The following C18orf32 variants were observed in gnomAD, a reference collection of about 807,000 sequenced individuals.
The protein encoded by C18orf32 is chromosome 18 open reading frame 32.
In C18orf32, 5 loss-of-function variants were observed where a neutral mutation model predicts 7.4. The ratio of observed to expected loss-of-function variants is 0.68; its 90% CI spans 0.35 to 1.42. The LOEUF (loss-of-function observed/expected upper bound fraction) is 1.42, where lower values mean the gene tolerates loss of function less well. Among genes scored for constraint, C18orf32 ranks in the 40% most tolerant of loss-of-function variants. C18orf32 has a pLI of 0.04. For missense variants in C18orf32, 88 were observed against 92.4 expected (o/e 0.95, Z 0.19); for synonymous variants, 30 against 29.3 (o/e 1.02, Z -0.08).
At chr18:49,486,995 G>C (rs2083762695) in intron 1 of C18orf32, 48 bp downstream of exon 1, 1 of 152,124 alleles carries the variant, frequency 6.6e-6, no homozygotes, top group Non-Finnish European at 1.5e-5. Flanking sequence ...AGAGGGGAGG[G>C]GAGGGCGGGG....
Position 49,477,798 on chromosome 18 carries a change from A to AC in C18orf32, c.*4546_*4547insG, listed in dbSNP as rs201161513. On this transcript the variant is annotated 3_prime_UTR_variant, in exon 3 of 3. Transcript: ENST00000318240. ...CTTCCAAAAACAAACAAACAAACAA[A>AC]AATATATATATATACACACACTATA... The AC allele has an allele frequency of 0.42, 59,758 of 140,748 alleles. 13,370 individuals are homozygous for AC. Among genetic ancestry groups the AC allele is most frequent in the East Asian group, 0.5 (2,529 of 5,066 alleles). 8.7% of individuals were successfully genotyped at this position (140,748 alleles called of 1,614,324 possible).
intron 1 of C18orf32, chr18:49,484,854 G>T (rs372147081): frequency 6.6e-6 from 1 of 152,052 alleles, no homozygotes; most frequent in Non-Finnish European, 1.5e-5. Context: ...AGGCCAAGGC[G>T]GGCAGATCAC....
intron 1 of C18orf32, among the ~76,000 whole-genome samples, chr18:49,484,255 C>T (rs1411023002): frequency 6.8e-6 from 1 of 146,898 alleles, no homozygotes; most frequent in South Asian, 2.2e-4. Context: ...ATTATATTTG[C>T]TAAAAAAAAA....
At chr18:49,482,457 G>A (rs368150337) in intron 2 of C18orf32, 47 bp from the exon 3 acceptor site, 30 of 1,386,522 alleles carry the variant, frequency 2.2e-5, no homozygotes, top group Middle Eastern at 1.8e-4. Context: ...AGCCGGGTGC[G>A]GTGGCTTATG....
At chr18:49,485,611 AT>A (rs544899186) in intron 1 of C18orf32, among the ~76,000 whole-genome samples, 219 of 146,024 alleles carry the variant, frequency 1.5e-3, no homozygotes, top group Non-Finnish European at 1.3e-3. Context: ...GGCAATAGTG[AT>A]TTTTTTTTTT....
chr18:49,485,378 A>T (rs1047699811), intron 1 of C18orf32, among the ~76,000 whole-genome samples: 1 of 152,002 alleles, frequency 6.6e-6, no homozygotes, highest in Admixed American at 6.6e-5. Flanking sequence ...ACATGGCAAA[A>T]CCCTGTCTCT....
intron 1 of C18orf32, among the ~76,000 whole-genome samples, chr18:49,485,233 T>C (rs1196687660): frequency 6.6e-6 from 1 of 152,106 alleles, no homozygotes; most frequent in Non-Finnish European, 1.5e-5. Flanking sequence ...GTCTTTGAAA[T>C]GAATTACAAG....
chr18:49,482,466 T>C (rs531494680), intron 2 of C18orf32, 56 bp from the exon 3 acceptor site: 14 of 1,280,844 alleles, frequency 1.1e-5, no homozygotes, highest in Middle Eastern at 2.0e-4. Context: ...CGGTGGCTTA[T>C]GCCTGTAATC....
intron 1 of C18orf32, among the ~76,000 whole-genome samples, chr18:49,485,556 GA>G (rs1245339927): frequency 1.4e-3 from 188 of 135,670 alleles, no homozygotes; most frequent in Middle Eastern, 7.7e-3. Context: ...CTCCGTGTCA[GA>G]AAAAAAAAAA....
rs779902514 is a variant in C18orf32, at chr18:49,482,418, G to GA, written c.166-9dup. On this transcript the variant is annotated splice_polypyrimidine_tract_variant and intron_variant, in intron 2 of 2. Transcript: ENST00000318240. ...TCCATTCATGTCTGCACCCTAAAAT[G>GA]AAAAAACATTTTAGAAATTATCATA... 2 of 1,601,510 alleles carry GA rather than the reference G, an allele frequency of 1.2e-6. No individual in the cohort carries two copies. The highest frequency in any genetic ancestry group is 2.7e-5 in the African/African-American group (2 of 74,576).
chr18:49,480,740 C>T lies in C18orf32; in HGVS notation c.*1605G>A, dbSNP rs2148806910. 6.6e-6 allele frequency: 1 copy of T among 152,318 alleles called. No homozygotes were observed. The highest frequency in any genetic ancestry group is 2.4e-5 in the African/African-American group (1 of 41,552). The allele number at this position is 152,318 out of a possible 1,614,324, so 9.4% of individuals were successfully genotyped here. On this transcript the variant is annotated 3_prime_UTR_variant, in exon 3 of 3. Coordinates refer to ENST00000318240, the MANE Select transcript of C18orf32 (RefSeq NM_001035005.4). Reference sequence around the variant, plus strand: ...GAGCCGTGATCATGCTGCTGCACTCCAGCTTGAGTGACAGAGTGAGACCCT... The same window carrying T: ...GAGCCGTGATCATGCTGCTGCACTCTAGCTTGAGTGACAGAGTGAGACCCT...
chr18:49,477,833 A>C lies in C18orf32; in HGVS notation c.*4512T>G, dbSNP rs1481808399. The C allele has an allele frequency of 3.7e-5, 3 of 81,720 alleles. No individual in the cohort carries two copies. Among genetic ancestry groups the C allele is most frequent in the Non-Finnish European group, 6.8e-5 (3 of 44,328 alleles). 5.1% of individuals were successfully genotyped at this position (81,720 alleles called of 1,614,324 possible). Reference sequence around the variant, plus strand: ...ATATACACACACTATATATATATACACATATATATATATACACACACTATA... The same window carrying C: ...ATATACACACACTATATATATATACCCATATATATATATACACACACTATA... On this transcript the variant is annotated 3_prime_UTR_variant, in exon 3 of 3. Coordinates refer to ENST00000318240, the MANE Select transcript of C18orf32 (RefSeq NM_001035005.4).
intron 1 of C18orf32, among the ~76,000 whole-genome samples, chr18:49,485,196 C>T (rs942066987): frequency 7.2e-5 from 11 of 152,194 alleles, no homozygotes; most frequent in Admixed American, 4.6e-4. Flanking sequence ...TACAGGTAAA[C>T]GGTGGCATAG....
Position 49,480,368 on chromosome 18 carries a change from T to A in C18orf32, c.*1977A>T, listed in dbSNP as rs370343006. 1 of 151,844 alleles carries A rather than the reference T, an allele frequency of 6.6e-6. No homozygotes were observed. The highest frequency in any genetic ancestry group is 1.5e-5 in the Non-Finnish European group (1 of 67,948). 9.4% of individuals were successfully genotyped at this position (151,844 alleles called of 1,614,324 possible). The stretch of plus-strand genomic sequence containing the variant: ...TATTTTTATAATTTATTTATAAATA[T>A]GGAGATAAATTTAAAAAGCCCACAG... On this transcript the variant is annotated 3_prime_UTR_variant, in exon 3 of 3. Coordinates refer to ENST00000318240, the MANE Select transcript of C18orf32 (RefSeq NM_001035005.4).
chr18:49,483,712 G>A lies in C18orf32; in HGVS notation c.37C>T (p.Leu13Phe). Residue 13 changes from leucine (L) to phenylalanine (F), a missense_variant, in exon 2 of 3, where the codon CTC becomes TTC. Coordinates refer to ENST00000318240, the MANE Select transcript of C18orf32 (RefSeq NM_001035005.4). ...CIPCIVIPVL[L>F]WIYKKFLEPY... Reference sequence around the variant, plus strand: ...TCCAGGAATTTTTTGTAGATCCAGAGCAGAACTGGAATGACGATACAAGGA... The same window carrying A: ...TCCAGGAATTTTTTGTAGATCCAGAACAGAACTGGAATGACGATACAAGGA... The A allele has an allele frequency of 6.2e-7, 1 of 1,613,370 alleles. No homozygotes were observed. Among genetic ancestry groups the A allele is most frequent in the Non-Finnish European group, 8.5e-7 (1 of 1,179,868 alleles).
At position 49,480,341 on chromosome 18, in the gene C18orf32, T is replaced by C. The variant is rs1911234397; in HGVS notation, c.*2004A>G. ...TCAAAAAATAAAATGTTTATATTTTTATATTTTTATAATTTATTTATAAAT... is the reference window on the plus strand; with the variant it reads ...TCAAAAAATAAAATGTTTATATTTTCATATTTTTATAATTTATTTATAAAT... On this transcript the variant is annotated 3_prime_UTR_variant, in exon 3 of 3. Transcript: ENST00000318240. 6.6e-6 allele frequency: 1 copy of C among 151,710 alleles called. No homozygotes were observed. The highest frequency in any genetic ancestry group is 2.4e-5 in the African/African-American group (1 of 41,314). 9.4% of individuals were successfully genotyped at this position (151,710 alleles called of 1,614,324 possible). A position where few individuals can be genotyped will look rare whatever the true frequency, so the allele number is the denominator to read the frequency against.
Position 49,481,197 on chromosome 18 carries a change from C to T in C18orf32, c.*1148G>A, listed in dbSNP as rs1183755123. On this transcript the variant is annotated 3_prime_UTR_variant, in exon 3 of 3. Transcript: ENST00000318240. Reference sequence around the variant, plus strand: ...ACCTGCTGATTTACATGATTTATATCAAATAAAGCCCAAGGTAAATCAGTG... The same window carrying T: ...ACCTGCTGATTTACATGATTTATATTAAATAAAGCCCAAGGTAAATCAGTG... The T allele has an allele frequency of 3.3e-5, 5 of 152,112 alleles. No individual in the cohort carries two copies. Among genetic ancestry groups the T allele is most frequent in the African/African-American group, 9.6e-5 (4 of 41,484 alleles). The allele number at this position is 152,112 out of a possible 1,614,324, so 9.4% of individuals were successfully genotyped here. A position where few individuals can be genotyped will look rare whatever the true frequency, so the allele number is the denominator to read the frequency against.
rs1451687120 is a variant in C18orf32, at chr18:49,487,030, G to C, written c.-24+13C>G. 6.6e-6 allele frequency: 1 copy of C among 152,620 alleles called. No individual in the cohort carries two copies. The highest frequency in any genetic ancestry group is 1.5e-5 in the Non-Finnish European group (1 of 68,394). The allele number at this position is 152,620 out of a possible 1,614,324, so 9.5% of individuals were successfully genotyped here. ...GCGGAGGGCGGAGGAGCGCGCTCGC[G>C]GAAGGAAGGTACCCTGAGAGCGAAG... On this transcript the variant is annotated intron_variant, in intron 1 of 2. Transcript: ENST00000318240.
intron 1 of C18orf32, chr18:49,486,137 G>A (rs2083741801): frequency 6.6e-6 from 1 of 150,696 alleles, no homozygotes; most frequent in Non-Finnish European, 1.5e-5. Context: ...TTCTCACAGA[G>A]GTAACTGGTA....
Sources: allele counts gnomAD v4.1 joint callset (sites outside exome capture counted in the v4.1 genomes callset), GRCh38; gene constraint gnomAD v4.1.1; transcripts MANE v1.5; gene names NCBI Gene and HGNC (gene_info 2026-07-23, HGNC 2026-07-21).